ADSS1: variants seen among roughly 807,000 people sequenced by gnomAD.
ADSS1 encodes the protein adenylosuccinate synthase 1.
Under a neutral mutation model 59.1 loss-of-function variants are expected in ADSS1, and 57 were observed. The ratio of observed to expected loss-of-function variants is 0.97; its 90% CI spans 0.78 to 1.20. The LOEUF is 1.20. Among genes scored for constraint, ADSS1 ranks in the 50% most tolerant of loss-of-function variants. ADSS1 has a pLI of 0.00. For missense variants in ADSS1, 603 were observed against 610.3 expected, an observed-to-expected ratio of 0.99 and a Z score of 0.13; for synonymous variants, 247 against 249.4, an observed-to-expected ratio of 0.99 and a Z score of 0.09.
In ADSS1 at chr14:104,724,236, T is replaced by C. The variant is rs2140734323; in HGVS notation, c.-35T>C. The C allele has an allele frequency of 2.5e-6, 3 of 1,221,194 alleles. No homozygotes were observed. Among genetic ancestry groups the C allele is most frequent in the African/African-American group, 1.6e-5 (1 of 63,802 alleles). The allele number at this position is 1,221,194 out of a possible 1,614,324, so 75.6% of individuals were successfully genotyped here. ...GCGGACGCCGGCGGCGGCGGGCTCC[T>C]GGCCGGGCCAGCGCAGCGGAAGAGC... On this transcript the variant is annotated 5_prime_UTR_variant, in exon 1 of 13. Transcript: ENST00000330877.
chr14:104,735,269 G>GT, intron 2 of ADSS1, 147 bp downstream of exon 2: 1 of 725,678 alleles, frequency 1.4e-6, no homozygotes, highest in Non-Finnish European at 2.3e-6. Context: ...TGCCCCACCA[G>GT]GCACTGGTGC....
Position 104,741,922 on chromosome 14 carries a change from A to G in ADSS1, c.868A>G (p.Asn290Asp). 1 of 1,613,500 alleles carries G rather than the reference A, an allele frequency of 6.2e-7. No homozygotes were observed. Among genetic ancestry groups the G allele is most frequent in the East Asian group, 2.2e-5 (1 of 44,878 alleles). Residue 290 changes from asparagine to aspartate, a missense_variant, in exon 9 of 13, where the codon AAC becomes GAC. Transcript: ENST00000330877. ...VCTGLGIPPQNIGDVYGVVKA... is the reference protein window; with the variant it reads ...VCTGLGIPPQDIGDVYGVVKA... Reference sequence around the variant, plus strand: ...CACGGGCCTGGGCATCCCCCCGCAGAACATAGGTGACGTGTATGGCGTGGT... The same window carrying G: ...CACGGGCCTGGGCATCCCCCCGCAGGACATAGGTGACGTGTATGGCGTGGT...
chr14:104,737,163 C>G (rs75112537), intron 2 of ADSS1: 1 of 151,762 alleles, frequency 6.6e-6, no homozygotes, highest in South Asian at 2.1e-4. Flanking sequence ...TCTGGACAAA[C>G]GTATGCTGTG....
At chr14:104,735,206 A>T (rs543621707) in intron 2 of ADSS1, 84 bp downstream of exon 2, 2 of 1,277,920 alleles carry the variant, frequency 1.6e-6, no homozygotes, top group African/African-American at 1.5e-5. Flanking sequence ...GGCACGGGGC[A>T]CCAGAGCCTG....
Position 104,735,030 on chromosome 14 carries a change from A to T in ADSS1, c.203A>T (p.Asn68Ile). 2.5e-6 allele frequency: 4 copies of T among 1,613,060 alleles called. No individual in the cohort carries two copies. Among genetic ancestry groups the T allele is most frequent in the Non-Finnish European group, 3.4e-6 (4 of 1,179,310 alleles). The stretch of plus-strand genomic sequence containing the variant: ...GGGTTTCTGTTCCAGGGGGGCAACA[A>T]CGCCGGCCACACGGTGGTGGTGGAT... Reference protein sequence around the residue: ...DIISRCQGGNNAGHTVVVDGK... With the variant: ...DIISRCQGGNIAGHTVVVDGK... Residue 68 changes from asparagine (N) to isoleucine (I), a missense_variant, in exon 2 of 13, where the codon AAC becomes ATC. Asn to Ile is a moderately radical substitution (Grantham distance 149). Transcript: ENST00000330877.
rs1891322856 is a variant in ADSS1, at chr14:104,740,913, G to A, written c.659G>A (p.Arg220Lys). The A allele has an allele frequency of 1.2e-6, 2 of 1,613,976 alleles. No homozygotes were observed. Among genetic ancestry groups the A allele is most frequent in the Non-Finnish European group, 1.7e-6 (2 of 1,180,016 alleles). ...LEIDIEGQLK[R>K]LKGFAERIRP... ...ATAGACATTGAAGGCCAACTCAAAA[G>A]GCTCAAGGTGAAGTCGGGGCCGCAG... Residue 220 changes from arginine to lysine, a missense_variant, in exon 7 of 13, where the codon AGG becomes AAG. By Grantham distance (26) the Arg-to-Lys change is conservative. Coordinates refer to ENST00000330877, the MANE Select transcript of ADSS1 (RefSeq NM_152328.5). This position sits in a 1 kb window ranked among gnomAD's most constrained non-coding sequence, Gnocchi z 4.8.
At position 104,740,657 on chromosome 14, in the gene ADSS1, C is replaced by T; in HGVS notation, c.533C>T (p.Thr178Ile). 1.2e-6 allele frequency: 2 copies of T among 1,613,984 alleles called. No individual in the cohort carries two copies. The highest frequency in any genetic ancestry group is 1.1e-5 in the South Asian group (1 of 91,072). The change falls in exon 6 of 13, where the codon ACA becomes ATA. Residue 178 changes from threonine to isoleucine, a missense_variant. Coordinates refer to ENST00000330877, the MANE Select transcript of ADSS1 (RefSeq NM_152328.5). The surrounding 1 kb of genome is among the most constrained non-coding windows in gnomAD (Gnocchi z 4.8). ...GPTYSSKAAR[T>I]GLRICDLLSD... Reference sequence around the variant, plus strand: ...ACCTACTCTTCCAAAGCTGCCCGGACAGGCCTCCGCATCTGCGACCTCCTG... The same window carrying T: ...ACCTACTCTTCCAAAGCTGCCCGGATAGGCCTCCGCATCTGCGACCTCCTG...
chr14:104,742,995 G>A, intron 9 of ADSS1, 72 bp from the exon 10 acceptor site: 1 of 1,594,884 alleles, frequency 6.3e-7, no homozygotes, highest in Middle Eastern at 1.7e-4. Context: ...CAGGGAGGAG[G>A]GGGAGCAGCA....
intron 1 of ADSS1, chr14:104,730,157 A>T: frequency 6.5e-7 from 1 of 1,542,590 alleles, no homozygotes; most frequent in East Asian, 2.5e-5. Context: ...AGGAGGCCAC[A>T]CCTGCCTGCC....
At chr14:104,734,946 C>T (rs919426410) in intron 1 of ADSS1, 74 bp from the exon 2 acceptor site, 6 of 1,316,802 alleles carry the variant, frequency 4.6e-6, no homozygotes, top group South Asian at 1.2e-5. Flanking sequence ...AGACGAAGCC[C>T]CATGTGGGTC....
intron 3 of ADSS1, 32 bp downstream of exon 3, chr14:104,738,470 C>T (rs1027156715): frequency 6.2e-7 from 1 of 1,610,178 alleles, no homozygotes; most frequent in South Asian, 1.1e-5. Flanking sequence ...CTTGCCCTGT[C>T]CCAGACGCGG....
At chr14:104,729,890 G>T (rs974092156) in intron 1 of ADSS1, 1 of 1,501,220 alleles carries the variant, frequency 6.7e-7, no homozygotes, top group Non-Finnish European at 8.9e-7. Flanking sequence ...GCGTGGCGTC[G>T]GCATGGTGGG....
chr14:104,744,220 C>G (rs1891475079), intron 10 of ADSS1: 1 of 153,782 alleles, frequency 6.5e-6, no homozygotes, highest in Non-Finnish European at 1.4e-5. Flanking sequence ...AGAAGTGGAG[C>G]CTGGGGGAGC....
At chr14:104,735,938 C>T (rs1444033442) in intron 2 of ADSS1, among the ~76,000 whole-genome samples, 1 of 152,252 alleles carries the variant, frequency 6.6e-6, no homozygotes, top group Non-Finnish European at 1.5e-5. Flanking sequence ...TTCCAGACTT[C>T]AGCAAGGCCA....
chr14:104,741,187 C>T lies in ADSS1; in HGVS notation c.737C>T (p.Pro246Leu). 6.2e-7 allele frequency: 1 copy of T among 1,612,284 alleles called. No individual in the cohort carries two copies. The highest frequency in any genetic ancestry group is 8.5e-7 in the Non-Finnish European group (1 of 1,179,158). Residue 246 changes from proline to leucine, a missense_variant, in exon 8 of 13, where the codon CCC (proline) becomes CTC (leucine). Coordinates refer to ENST00000330877, the MANE Select transcript of ADSS1 (RefSeq NM_152328.5). ...TTTATGTATGAGGCACTCCACGGCC[C>T]CCCCAAGAAGATCCTGGTGGAGGGT... is the stretch of plus-strand genomic sequence containing the variant. ...VYFMYEALHG[P>L]PKKILVEGAN... is the part of the protein sequence containing the mutation.
chr14:104,744,679 A>G (rs1891491396), intron 10 of ADSS1, 133 bp from the exon 11 acceptor site: 1 of 749,186 alleles, frequency 1.3e-6, no homozygotes, highest in South Asian at 1.7e-5. Flanking sequence ...GCCACCAACC[A>G]GTACTGGTCC....
intron 1 of ADSS1, chr14:104,730,297 C>T (rs1890875930): frequency 1.5e-6 from 2 of 1,347,718 alleles, no homozygotes; most frequent in Non-Finnish European, 2.0e-6. Context: ...AGTTCAAGAC[C>T]AGCCTGGCCA....
chr14:104,746,406 G>A, intron 12 of ADSS1, 21 bp downstream of exon 12: 2 of 1,604,430 alleles, frequency 1.2e-6, no homozygotes, highest in South Asian at 2.2e-5. Context: ...TGCATCCCCA[G>A]CCACCCTCCC....
intron 1 of ADSS1, among the ~76,000 whole-genome samples, chr14:104,728,674 G>A (rs541757035): frequency 2.0e-5 from 3 of 152,350 alleles, no homozygotes; most frequent in South Asian, 4.1e-4. Context: ...CCAGTGCCAA[G>A]AGGTTGGGCC....
Sources: gnomAD v4.1 joint callset for allele counts (sites outside exome capture counted in the v4.1 genomes callset) on GRCh38, gnomAD v4.1.1 for gene constraint, Gnocchi (gnomAD v3.1) non-coding constraint, MANE v1.5 for transcripts, NCBI Gene and HGNC (gene_info 2026-07-23, HGNC 2026-07-21) for gene names.